The following ACAD11 variants were observed in gnomAD, a reference collection of about 807,000 sequenced individuals.
ACAD11 encodes the protein acyl-CoA dehydrogenase family member 11, also known as acyl-Coenzyme A dehydrogenase family, member 11.
Under a neutral mutation model 102.2 loss-of-function variants are expected in ACAD11, and 83 were observed. The observed-to-expected ratio is 0.81, with a 90% CI of 0.68 to 0.97. The LOEUF is 0.97. Ranked by LOEUF, ACAD11 falls within the 50% of genes least tolerant of loss-of-function variation. The probability of loss-of-function intolerance (pLI) is 0.00; values close to 1 mark genes in which losing one functional copy is unlikely to be tolerated. For synonymous variants in ACAD11, 324 were observed against 319.8 expected, an observed-to-expected ratio of 1.01 and a Z score of -0.14; for missense variants, 901 against 951.7, an observed-to-expected ratio of 0.95 and a Z score of 0.70.
chr3:132,612,069 C>T (rs1442181572), intron 11 of ACAD11, among the ~76,000 whole-genome samples: 2 of 151,862 alleles, frequency 1.3e-5, no homozygotes, highest in Non-Finnish European at 1.5e-5. Flanking sequence ...GAAATAATGC[C>T]GCATATCTAC....
intron 13 of ACAD11, 113 bp from the exon 14 acceptor site, chr3:132,579,671 A>G: frequency 1.3e-6 from 1 of 747,634 alleles, no homozygotes; most frequent in South Asian, 1.7e-5. Context: ...AAATAGAGAG[A>G]ACATTCCTGA....
At position 132,618,218 on chromosome 3, in the gene ACAD11, C is replaced by T. The variant is rs181069784; in HGVS notation, c.1414+416G>A. 6.9e-4 allele frequency: 113 copies of T among 162,760 alleles called. 1 individual carries two copies. The highest frequency in any genetic ancestry group is 2.6e-3 in the African/African-American group (108 of 42,092). 10.1% of individuals were successfully genotyped at this position (162,760 alleles called of 1,614,324 possible). A position where few individuals can be genotyped will look rare whatever the true frequency, so the allele number is the denominator to read the frequency against. On this transcript the variant is annotated intron_variant, in intron 11 of 19. Transcript: ENST00000264990. ...GATATATCATTGTGAGAACATAGAA[C>T]ACTGCTCGGGACATAGTAGGTAATC...
At chr3:132,586,469 T>C (rs555227776) in intron 13 of ACAD11, among the ~76,000 whole-genome samples, 1 of 152,146 alleles carries the variant, frequency 6.6e-6, no homozygotes, top group Admixed American at 6.5e-5. Context: ...TGTGCACATG[T>C]ACCCTAAAAC....
At chr3:132,608,129 A>C (rs1296950155) in intron 11 of ACAD11, among the ~76,000 whole-genome samples, 2 of 152,234 alleles carry the variant, frequency 1.3e-5, no homozygotes, top group Non-Finnish European at 2.9e-5. Context: ...AGGAGGCACT[A>C]AACATGCAAA....
In ACAD11 at chr3:132,630,553, G is replaced by A; in HGVS notation, c.847C>T (p.Pro283Ser). The change falls in exon 7 of 20, where the codon CCA (proline) becomes TCA (serine). Residue 283 changes from proline to serine, a missense_variant. Physicochemically the swap from Pro to Ser is moderately conservative, Grantham distance 74. Transcript: ENST00000264990. ...QGSYSENSGI[P>S]SMEELISIYC... ...ATTGAAATCAGTTCTTCCATTGATGGTATCCCTATAAAAACAGCATGTAAT... is the reference window on the plus strand; with the variant it reads ...ATTGAAATCAGTTCTTCCATTGATGATATCCCTATAAAAACAGCATGTAAT... The A allele has an allele frequency of 6.2e-7, 1 of 1,605,386 alleles. No individual in the cohort carries two copies. Among genetic ancestry groups the A allele is most frequent in the Admixed American group, 1.7e-5 (1 of 58,362 alleles).
intron 17 of ACAD11, among the ~76,000 whole-genome samples, chr3:132,568,801 CAAAAAAAAAA>C (rs755568917): frequency 0.056 from 3,858 of 68,710 alleles, 124 homozygotes; most frequent in East Asian, 0.16. Context: ...CATCCACAGG[CAAAAAAAAAA>C]AAAAAAAAAA....
intron 14 of ACAD11, 54 bp from the exon 15 acceptor site, chr3:132,578,935 CAG>C (rs759179017): frequency 2.1e-5 from 33 of 1,605,352 alleles, no homozygotes; most frequent in Non-Finnish European, 2.6e-5. Context: ...AAAAATAAAA[CAG>C]ATAATAAGCA....
At chr3:132,658,598 G>A (rs1303107249) in intron 1 of ACAD11, among the ~76,000 whole-genome samples, 1 of 152,168 alleles carries the variant, frequency 6.6e-6, no homozygotes, top group African/African-American at 2.4e-5. Flanking sequence ...ACAACACAAG[G>A]CTTCTAGCCT....
chr3:132,560,976 A>G (rs1476216995), intron 18 of ACAD11, 125 bp downstream of exon 18: 1 of 720,714 alleles, frequency 1.4e-6, no homozygotes, highest in Non-Finnish European at 2.4e-6. Context: ...TATAACCCAA[A>G]ATCACATGGG....
chr3:132,646,672 C>T (rs1470020039), intron 1 of ACAD11, among the ~76,000 whole-genome samples: 2 of 152,054 alleles, frequency 1.3e-5, no homozygotes, highest in Admixed American at 6.5e-5. Context: ...TCACAACAGC[C>T]AAAAATTAGA....
At chr3:132,657,626 G>A (rs186813913) in intron 1 of ACAD11, among the ~76,000 whole-genome samples, 1 of 152,052 alleles carries the variant, frequency 6.6e-6, no homozygotes, top group East Asian at 1.9e-4. Flanking sequence ...CTCTACAAAG[G>A]TATTGCACAT....
At chr3:132,574,170 C>T (rs1298576510) in intron 17 of ACAD11, among the ~76,000 whole-genome samples, 1 of 152,178 alleles carries the variant, frequency 6.6e-6, no homozygotes, top group Non-Finnish European at 1.5e-5. Flanking sequence ...TTTGTGCATT[C>T]GCGATGCTTG....
At chr3:132,644,998 A>T in intron 1 of ACAD11, 102 bp from the exon 2 acceptor site, 2 of 684,324 alleles carry the variant, frequency 2.9e-6, no homozygotes, top group Non-Finnish European at 4.8e-6. Context: ...AAATAAATTC[A>T]TCTCAATGCT....
chr3:132,657,083 A>G (rs1186840614), intron 1 of ACAD11, among the ~76,000 whole-genome samples: 3 of 152,168 alleles, frequency 2.0e-5, no homozygotes, highest in African/African-American at 7.2e-5. Flanking sequence ...TTTCTTCTCT[A>G]AAGTCAAAAA....
intron 11 of ACAD11, 88 bp downstream of exon 11, chr3:132,618,546 G>T: frequency 1.7e-6 from 2 of 1,158,696 alleles, no homozygotes; most frequent in African/African-American, 1.6e-5. Context: ...CAATAACTTT[G>T]TATAAAAACA....
intron 19 of ACAD11, among the ~76,000 whole-genome samples, chr3:132,559,493 T>A (rs1936981939): frequency 6.6e-6 from 1 of 152,058 alleles, no homozygotes; most frequent in Admixed American, 6.6e-5. Flanking sequence ...AGATGGGGAA[T>A]GGAGAATGTT....
chr3:132,597,584 C>T (rs1448776607), intron 13 of ACAD11, among the ~76,000 whole-genome samples: 1 of 151,844 alleles, frequency 6.6e-6, no homozygotes, highest in East Asian at 1.9e-4. Context: ...TTTTATTATA[C>T]CACTTTTTTT....
rs371846758 is a variant in ACAD11, at chr3:132,558,495, G to A, written c.*476C>T. The stretch of plus-strand genomic sequence containing the variant: ...CCCCACCTCCACCCCACCTCAAGAA[G>A]AAATTTATTTTTTGTTTTTATTTTT... On this transcript the variant is annotated 3_prime_UTR_variant, in exon 20 of 20. Transcript: ENST00000264990. 2 of 155,470 alleles carry A rather than the reference G, an allele frequency of 1.3e-5. No homozygotes were observed. Among genetic ancestry groups the A allele is most frequent in the African/African-American group, 4.8e-5 (2 of 41,424 alleles). The allele number at this position is 155,470 out of a possible 1,614,324, so 9.6% of individuals were successfully genotyped here.
chr3:132,570,409 G>A (rs559143678), intron 17 of ACAD11, among the ~76,000 whole-genome samples: 6 of 152,092 alleles, frequency 3.9e-5, no homozygotes, highest in Admixed American at 2.6e-4. Context: ...AGACAATTAC[G>A]GTGCTTTGAT....
Sources: gnomAD v4.1 joint callset for allele counts (sites outside exome capture counted in the v4.1 genomes callset) on GRCh38, gnomAD v4.1.1 for gene constraint, MANE v1.5 for transcripts, NCBI Gene and HGNC (gene_info 2026-07-23, HGNC 2026-07-21) for gene names.